Variants in PDS5B observed in about 807,000 individuals in gnomAD.
PDS5B encodes the protein PDS5 cohesin associated factor B.
PDS5B carries 51 observed loss-of-function variants against 184.1 expected under a neutral mutation model. The ratio of observed to expected loss-of-function variants is 0.28; its 90% CI spans 0.22 to 0.35. The LOEUF (loss-of-function observed/expected upper bound fraction) is 0.35. Ranked by LOEUF, PDS5B falls within the 10% of genes least tolerant of loss-of-function variation. The pLI is 1.00. For synonymous variants in PDS5B, 566 were observed against 569.2 expected (o/e 0.99, Z 0.08); for missense variants, 1,180 against 1,723.3 (o/e 0.68, Z 5.58).
chr13:32,683,767 ACTT>A, intron 10 of PDS5B, 108 bp from the exon 11 acceptor site: 2 of 622,014 alleles, frequency 3.2e-6, no homozygotes, highest in East Asian at 6.5e-5. Flanking sequence ...TTTTCTTGAA[ACTT>A]CTATGTAGGT....
chr13:32,605,111 TGCTA>T (rs1421993059), intron 1 of PDS5B, among the ~76,000 whole-genome samples: 1 of 152,232 alleles, frequency 6.6e-6, no homozygotes, highest in African/African-American at 2.4e-5. Flanking sequence ...TCTTGCCTTC[TGCTA>T]GCTTTTGAAT....
At chr13:32,608,720 T>G (rs972286235) in intron 1 of PDS5B, among the ~76,000 whole-genome samples, 4 of 152,184 alleles carry the variant, frequency 2.6e-5, no homozygotes, top group Non-Finnish European at 4.4e-5. Flanking sequence ...GCAGTAGATA[T>G]GGCACACTTT....
intron 3 of PDS5B, among the ~76,000 whole-genome samples, chr13:32,657,324 A>T (rs1033814921): frequency 2.6e-5 from 4 of 152,190 alleles, no homozygotes; most frequent in African/African-American, 4.8e-5. Context: ...ATCAGTATGT[A>T]ATGCTCTTCT....
chr13:32,603,444 CA>C (rs2058009568), intron 1 of PDS5B, among the ~76,000 whole-genome samples: 1 of 152,086 alleles, frequency 6.6e-6, no homozygotes, highest in Admixed American at 6.6e-5. Context: ...TTTTCTGTTC[CA>C]TTGGTCTATA....
chr13:32,632,017 A>G (rs1249339584), intron 1 of PDS5B, among the ~76,000 whole-genome samples: 1 of 152,210 alleles, frequency 6.6e-6, no homozygotes, highest in African/African-American at 2.4e-5. Context: ...TCCACATGCA[A>G]AAGAATTAAG....
intron 1 of PDS5B, among the ~76,000 whole-genome samples, chr13:32,615,407 T>C (rs2058203156): frequency 6.6e-6 from 1 of 152,112 alleles, no homozygotes; most frequent in Non-Finnish European, 1.5e-5. Flanking sequence ...AGAATTTTGA[T>C]AGAGTGATTA....
At chr13:32,759,157 T>C (rs562892855) in intron 28 of PDS5B, among the ~76,000 whole-genome samples, 15 of 152,332 alleles carry the variant, frequency 9.8e-5, no homozygotes, top group African/African-American at 3.4e-4. Flanking sequence ...ATTTATTTAA[T>C]TCCTCGTAAT....
intron 28 of PDS5B, among the ~76,000 whole-genome samples, chr13:32,759,047 G>GAAT (rs1407952441): frequency 6.6e-6 from 1 of 152,090 alleles, no homozygotes; most frequent in African/African-American, 2.4e-5. Flanking sequence ...AAGACCCTGG[G>GAAT]AATACTACAA....
At chr13:32,669,749 A>G (rs1566306859) in intron 7 of PDS5B, among the ~76,000 whole-genome samples, 1 of 152,170 alleles carries the variant, frequency 6.6e-6, no homozygotes, top group Admixed American at 6.5e-5. Context: ...ATTGAATTAT[A>G]TACTTTGTCT....
intron 19 of PDS5B, among the ~76,000 whole-genome samples, chr13:32,720,272 C>A (rs567672006): frequency 4.5e-4 from 68 of 151,594 alleles, no homozygotes; most frequent in African/African-American, 1.5e-3. Flanking sequence ...TGTGATGCAA[C>A]CAGTATTAGT....
chr13:32,740,987 C>A, intron 21 of PDS5B, 93 bp from the exon 22 acceptor site: 3 of 724,402 alleles, frequency 4.1e-6, no homozygotes, highest in South Asian at 1.7e-5. Context: ...GCAGAAGGTA[C>A]AGATTTCATT....
intron 24 of PDS5B, among the ~76,000 whole-genome samples, chr13:32,750,343 C>T (rs1953926626): frequency 6.6e-6 from 1 of 152,220 alleles, no homozygotes; most frequent in African/African-American, 2.4e-5. Context: ...TGTGAATACG[C>T]TTGTGATATG....
intron 3 of PDS5B, among the ~76,000 whole-genome samples, chr13:32,654,459 G>A (rs1950446843): frequency 6.6e-6 from 1 of 151,970 alleles, no homozygotes; most frequent in Non-Finnish European, 1.5e-5. Context: ...ATCCAGGAAG[G>A]GTTCATTCAT....
chr13:32,615,806 A>T (rs2140521239), intron 1 of PDS5B, among the ~76,000 whole-genome samples: 1 of 152,326 alleles, frequency 6.6e-6, no homozygotes, highest in East Asian at 1.9e-4. Context: ...AGTACATATA[A>T]GTAACTTATA....
intron 3 of PDS5B, among the ~76,000 whole-genome samples, chr13:32,656,723 A>G (rs561541401): frequency 1.3e-4 from 20 of 151,428 alleles, no homozygotes; most frequent in Admixed American, 8.6e-4. Flanking sequence ...CAGCCTCCTG[A>G]GTAGCTGGGA....
At chr13:32,698,046 G>A (rs957990219) in intron 15 of PDS5B, among the ~76,000 whole-genome samples, 2 of 16,342 alleles carry the variant, frequency 1.2e-4, no homozygotes, top group South Asian at 4.4e-3. Context: ...CATTCCCTAA[G>A]TTCTTTTTTT....
chr13:32,719,373 G>C lies in PDS5B; in HGVS notation c.2123+9267G>C, dbSNP rs558474159. 3.3e-5 allele frequency among the ~76,000 whole-genome samples: 5 copies of C among 152,206 alleles called. No individual in the cohort carries two copies. In the South Asian group the frequency reaches 8.3e-4, roughly 25 times the overall value. On this transcript the variant is annotated intron_variant, in intron 19 of 34. Transcript: ENST00000315596. Reference sequence around the variant, plus strand: ...AAATTTTGTATTTTTTGTAGAGACAGGGTTTTGCCATGTTGCCCACGCTGG... The same window carrying C: ...AAATTTTGTATTTTTTGTAGAGACACGGTTTTGCCATGTTGCCCACGCTGG...
chr13:32,661,396 A>AAAC (rs1950640746), intron 6 of PDS5B, among the ~76,000 whole-genome samples: 1 of 149,974 alleles, frequency 6.7e-6, no homozygotes, highest in East Asian at 1.9e-4. Context: ...AAAAAAAAAA[A>AAAC]AAAAAAAAAA....
At chr13:32,735,074 A>T in intron 20 of PDS5B, 98 bp from the exon 21 acceptor site, 1 of 698,566 alleles carries the variant, frequency 1.4e-6, no homozygotes, top group East Asian at 3.2e-5. Flanking sequence ...TTACAAAATA[A>T]ATTACAAAAT....
Sources: gnomAD v4.1 joint callset for allele counts (sites outside exome capture counted in the v4.1 genomes callset) on GRCh38, gnomAD v4.1.1 for gene constraint, MANE v1.5 for transcripts, NCBI Gene and HGNC (gene_info 2026-07-23, HGNC 2026-07-21) for gene names.